Variants in RANBP17 observed in about 807,000 individuals in gnomAD.
RANBP17 encodes ran-binding protein 17.
In RANBP17, 158 loss-of-function variants were observed where a neutral mutation model predicts 141.2. The ratio of observed to expected loss-of-function variants is 1.12; its 90% CI spans 0.98 to 1.28. RANBP17 has a LOEUF of 1.28. RANBP17 is among the 50% of genes most tolerant of loss of function. The pLI is 0.00. For synonymous variants in RANBP17, 430 were observed against 450.0 expected, an observed-to-expected ratio of 0.96 and a Z score of 0.56; for missense variants, 1,438 against 1,290.7, an observed-to-expected ratio of 1.11 and a Z score of -1.75.
chr5:170,903,105 C>T (rs1390939802), intron 5 of RANBP17, among the ~76,000 whole-genome samples: 3 of 152,210 alleles, frequency 2.0e-5, no homozygotes, highest in Non-Finnish European at 2.9e-5. Context: ...CCACAGCCGC[C>T]CCTTCCCCCA....
At chr5:171,198,782 G>GT (rs1209016237) in intron 18 of RANBP17, among the ~76,000 whole-genome samples, 1 of 152,174 alleles carries the variant, frequency 6.6e-6, no homozygotes, top group East Asian at 1.9e-4. Context: ...TCTGAACCAT[G>GT]TCGTTCCACC....
chr5:171,162,413 G>C (rs1759417163), intron 14 of RANBP17, among the ~76,000 whole-genome samples: 1 of 152,106 alleles, frequency 6.6e-6, no homozygotes, highest in Admixed American at 6.6e-5. Context: ...CTGTCGGGAG[G>C]CATTAGGTTC....
chr5:171,093,339 G>A (rs887829429), intron 14 of RANBP17, among the ~76,000 whole-genome samples: 5 of 151,990 alleles, frequency 3.3e-5, no homozygotes, highest in African/African-American at 1.2e-4. Flanking sequence ...TCCCTCCACT[G>A]TTTACTACTA....
chr5:171,047,405 G>C (rs1782661545), intron 14 of RANBP17, among the ~76,000 whole-genome samples: 1 of 149,152 alleles, frequency 6.7e-6, no homozygotes, highest in African/African-American at 2.5e-5. Flanking sequence ...CTTTGGAAAA[G>C]TATCTTTTCA....
intron 11 of RANBP17, among the ~76,000 whole-genome samples, chr5:170,920,161 C>A (rs1307528801): frequency 1.3e-5 from 2 of 152,066 alleles, no homozygotes; most frequent in Non-Finnish European, 2.9e-5. Flanking sequence ...TTTTGTTTCT[C>A]CTGGGTAAAT....
At chr5:170,965,756 G>A (rs1158773811) in intron 13 of RANBP17, among the ~76,000 whole-genome samples, 4 of 152,084 alleles carry the variant, frequency 2.6e-5, no homozygotes, top group Non-Finnish European at 4.4e-5. Context: ...CCGTTGGTCT[G>A]TATCTCTGTT....
intron 3 of RANBP17, among the ~76,000 whole-genome samples, chr5:170,888,742 C>G (rs892415274): frequency 2.6e-5 from 4 of 152,070 alleles, no homozygotes; most frequent in Non-Finnish European, 5.9e-5. Context: ...TGTTGCAAAG[C>G]AGTGGTGAGA....
intron 1 of RANBP17, 21 bp downstream of exon 1, chr5:170,862,072 G>T: frequency 6.9e-7 from 1 of 1,446,788 alleles, no homozygotes; most frequent in South Asian, 1.4e-5. Context: ...TCTGCGCCGC[G>T]GGCCCGCGCT....
intron 14 of RANBP17, among the ~76,000 whole-genome samples, chr5:171,032,714 G>A (rs1264445873): frequency 6.6e-6 from 1 of 152,056 alleles, no homozygotes; most frequent in Non-Finnish European, 1.5e-5. Context: ...TAACCCATTA[G>A]CACAGAGAAA....
intron 12 of RANBP17, among the ~76,000 whole-genome samples, chr5:170,953,124 A>G (rs1351451622): frequency 2.0e-5 from 3 of 152,118 alleles, no homozygotes; most frequent in Admixed American, 2.0e-4. Flanking sequence ...CAGGGGAAAT[A>G]TTTAAAATGA....
Position 170,916,580 on chromosome 5 carries a change from C to T in RANBP17, c.950C>T (p.Pro317Leu). The change falls in exon 9 of 28, where the codon CCT becomes CTT. Residue 317 changes from proline to leucine, a missense_variant. Transcript: ENST00000523189. ...GGAGTAAAAAGGATACTTGAAAACC[C>T]TCAGGTATTTATGAAGTAATTTAAT... is the stretch of plus-strand genomic sequence containing the variant. ...IKGVKRILEN[P>L]QGLSDPGNYH... The T allele has an allele frequency of 2.6e-6, 4 of 1,545,638 alleles. No homozygotes were observed. The South Asian group carries it at 3.7e-5, about 14-fold the overall frequency.
chr5:171,127,932 G>A lies in RANBP17; in HGVS notation c.1711-42198G>A, dbSNP rs1376490361. Among the ~76,000 whole-genome samples, 23 of 152,246 alleles carry A rather than the reference G, an allele frequency of 1.5e-4. No homozygotes were observed. The East Asian group carries it at 2.3e-3, about 15-fold the overall frequency. Reference sequence around the variant, plus strand: ...TCCCAGCACTTTGGGAGGCCGAGGCGGGCAGATCATGAGCAGGAGATTGAG... The same window carrying A: ...TCCCAGCACTTTGGGAGGCCGAGGCAGGCAGATCATGAGCAGGAGATTGAG... On this transcript the variant is annotated intron_variant, in intron 14 of 27. Transcript: ENST00000523189.
chr5:171,213,693 G>A lies in RANBP17; in HGVS notation c.2294G>A (p.Cys765Tyr). The A allele has an allele frequency of 6.2e-7, 1 of 1,613,812 alleles. No individual in the cohort carries two copies. Among genetic ancestry groups the A allele is most frequent in the Non-Finnish European group, 8.5e-7 (1 of 1,179,776 alleles). Residue 765 changes from cysteine to tyrosine, a missense_variant, in exon 21 of 28, where the codon TGT (cysteine) becomes TAT (tyrosine). Coordinates refer to ENST00000523189, the MANE Select transcript of RANBP17 (RefSeq NM_022897.5). ...AVERWYGEPT[C>Y]TTPILKLMAE... ...GAACGGTGGTATGGAGAGCCAACAT[G>A]TACAACTCCCATCTTGAAACTTATG... is the stretch of plus-strand genomic sequence containing the variant.
chr5:170,902,469 G>A (rs1273269717), intron 5 of RANBP17, among the ~76,000 whole-genome samples: 1 of 152,134 alleles, frequency 6.6e-6, no homozygotes, highest in East Asian at 1.9e-4. Flanking sequence ...GTTAGAACAT[G>A]CTCCTTTAGC....
At chr5:171,277,881 G>A (rs1394699251) in intron 25 of RANBP17, among the ~76,000 whole-genome samples, 3 of 141,026 alleles carry the variant, frequency 2.1e-5, no homozygotes, top group Non-Finnish European at 4.6e-5. Flanking sequence ...GAGCCATACA[G>A]CATTCTTCAA....
At chr5:171,012,920 C>T (rs1780161811) in intron 14 of RANBP17, among the ~76,000 whole-genome samples, 1 of 152,062 alleles carries the variant, frequency 6.6e-6, no homozygotes. Context: ...TTAATTTCTC[C>T]TGTCGTGTTA....
rs756630937 is a variant in RANBP17, at chr5:171,183,291, G to A, written c.1930-31G>A. On this transcript the variant is annotated intron_variant, in intron 17 of 27. Coordinates refer to ENST00000523189, the MANE Select transcript of RANBP17 (RefSeq NM_022897.5). ...TACGAATAGTTGAGGTAAAGTGTTA[G>A]TAACTTGGATTACTCTTTTGCTTTC... 1.3e-5 allele frequency: 20 copies of A among 1,583,878 alleles called. No homozygotes were observed. The South Asian group carries it at 1.9e-4, about 15-fold the overall frequency.
chr5:171,089,646 G>A (rs1786054334), intron 14 of RANBP17, among the ~76,000 whole-genome samples: 2 of 152,164 alleles, frequency 1.3e-5, no homozygotes, highest in African/African-American at 2.4e-5. Flanking sequence ...GCCAGGTGTG[G>A]GATATAATCT....
chr5:171,241,587 G>T (rs146256489), intron 23 of RANBP17, among the ~76,000 whole-genome samples: 56 of 152,210 alleles, frequency 3.7e-4, no homozygotes, highest in African/African-American at 1.3e-3. Flanking sequence ...GGACTTCCTT[G>T]TAGTAGAATG....
Sources: gnomAD v4.1 joint callset for allele counts (sites outside exome capture counted in the v4.1 genomes callset) on GRCh38, gnomAD v4.1.1 for gene constraint, MANE v1.5 for transcripts, NCBI Gene and HGNC (gene_info 2026-07-23, HGNC 2026-07-21) for gene names.